Variants in UTS2B observed in about 807,000 individuals in gnomAD.
UTS2B encodes the protein urotensin 2B, also known as urotensin-2B.
UTS2B carries 21 observed loss-of-function variants against 19.2 expected under a neutral mutation model. That is an observed-to-expected ratio of 1.09 (90% CI 0.78 to 1.58). The LOEUF (loss-of-function observed/expected upper bound fraction) is 1.58, where lower values mean the gene tolerates loss of function less well. Among genes scored for constraint, UTS2B ranks in the 40% most tolerant of loss-of-function variants. UTS2B has a pLI of 0.00. For synonymous variants in UTS2B, 57 were observed against 50.2 expected (o/e 1.14, Z -0.58); for missense variants, 138 against 130.3 (o/e 1.06, Z -0.29).
At chr3:191,314,381 C>A (rs969663439) in intron 3 of UTS2B, among the ~76,000 whole-genome samples, 1 of 152,138 alleles carries the variant, frequency 6.6e-6, no homozygotes, top group Non-Finnish European at 1.5e-5. Context: ...CCCAGAGAGA[C>A]CCTTCTTGGA....
rs1177302281 is a variant in UTS2B at position 191,316,301 on chromosome 3, G to A, written c.-447C>T. On this transcript the variant is annotated 5_prime_UTR_variant, in exon 3 of 9. Transcript: ENST00000340524. ...GTGAGTGTTACAGTTCTTAAAGATG[G>A]TGCGTCCGGAATTTGTTCATTTCTC... 6.6e-6 allele frequency: 1 copy of A among 152,476 alleles called. No homozygotes were observed. The highest frequency in any genetic ancestry group is 2.4e-5 in the African/African-American group (1 of 41,446). 9.4% of individuals were successfully genotyped at this position (152,476 alleles called of 1,614,324 possible).
rs145003357 is a variant in UTS2B at position 191,318,718 on chromosome 3, A to T, written c.-585-2279T>A. Among the ~76,000 whole-genome samples the T allele has an allele frequency of 2.6e-3, 399 of 152,290 alleles. 1 individual carries two copies. The highest frequency in any genetic ancestry group is 9.3e-3 in the African/African-American group (385 of 41,570). ...ACTCCTGAGTTCGAGCAATCCACCC[A>T]CCTTGGCCTCCCAAAGTGTTGGGAT... On this transcript the variant is annotated intron_variant, in intron 2 of 8. Coordinates refer to ENST00000340524, the MANE Select transcript of UTS2B (RefSeq NM_198152.5).
At chr3:191,314,230 T>G (rs984377118) in intron 3 of UTS2B, among the ~76,000 whole-genome samples, 1 of 152,182 alleles carries the variant, frequency 6.6e-6, no homozygotes, top group African/African-American at 2.4e-5. Context: ...CTGTTAAGCC[T>G]CATGGAGTTT....
In UTS2B at chr3:191,275,337, C is replaced by G; in HGVS notation, c.249G>C (p.Lys83Asn). ...NKLEELNQLE[K>N]LKEQLVEEKD... ...TCTCCTCCACTAGCTGTTCTTTTAG[C>G]TTTTCCAGCTGATAAAATTGTAAAA... Residue 83 changes from lysine to asparagine, a missense_variant, in exon 8 of 9, where the codon AAG (lysine) becomes AAC (asparagine). By Grantham distance (94) the Lys-to-Asn change is moderately conservative. Transcript: ENST00000340524. 1.2e-6 allele frequency: 2 copies of G among 1,612,826 alleles called. No individual in the cohort carries two copies.
intron 3 of UTS2B, among the ~76,000 whole-genome samples, chr3:191,312,661 T>A (rs570063114): frequency 2.1e-4 from 32 of 152,312 alleles, no homozygotes; most frequent in Admixed American, 9.8e-4. Context: ...TCGTGATTCA[T>A]TACAGGCCAG....
At chr3:191,283,086 T>G (rs1253726279) in intron 4 of UTS2B, among the ~76,000 whole-genome samples, 1 of 152,204 alleles carries the variant, frequency 6.6e-6, no homozygotes, top group African/African-American at 2.4e-5. Flanking sequence ...TCTGTTCCAG[T>G]GCATACACTG....
Position 191,276,814 on chromosome 3 carries a change from A to G in UTS2B, c.233T>C (p.Leu78Pro). 2 of 1,612,234 alleles carry G rather than the reference A, an allele frequency of 1.2e-6. No individual in the cohort carries two copies. The highest frequency in any genetic ancestry group is 4.5e-5 in the East Asian group (2 of 44,756). ...DLALPNKLEE[L>P]NQLEKLKEQL... is the part of the protein sequence containing the mutation. ...AGTATTTCACATTCTCACCTGGTTA[A>G]GTTCTTCCAGTTTGTTAGGTAAGGC... Residue 78 changes from leucine to proline, a missense_variant, in exon 7 of 9, where the codon CTT becomes CCT. Coordinates refer to ENST00000340524, the MANE Select transcript of UTS2B (RefSeq NM_198152.5).
chr3:191,269,233 T>A (rs1240611811), intron 8 of UTS2B, among the ~76,000 whole-genome samples: 1 of 152,100 alleles, frequency 6.6e-6, no homozygotes, highest in Non-Finnish European at 1.5e-5. Context: ...TGAAAAAGAG[T>A]TGAAAAACAT....
chr3:191,315,309 G>A (rs79293476), intron 3 of UTS2B, among the ~76,000 whole-genome samples: 33,421 of 152,076 alleles, frequency 0.22, 4,015 homozygotes, highest in South Asian at 0.29. Flanking sequence ...CACCACGCCC[G>A]GCCTACTCTA....
At chr3:191,319,391 TAAATGGCTCGTA>T (rs1717550403) in intron 2 of UTS2B, among the ~76,000 whole-genome samples, 1 of 152,230 alleles carries the variant, frequency 6.6e-6, no homozygotes, top group Admixed American at 6.5e-5. Context: ...CTGTAATAAA[TAAATGGCTCGTA>T]AACAAAAATT....
upstream of UTS2B, among the ~76,000 whole-genome samples, chr3:191,333,267 A>C (rs1718047386): frequency 6.6e-6 from 1 of 152,224 alleles, no homozygotes. Flanking sequence ...CTGTAAAAGG[A>C]AACATACCTA....
At chr3:191,305,228 G>C (rs767119197) in intron 3 of UTS2B, among the ~76,000 whole-genome samples, 2 of 152,116 alleles carry the variant, frequency 1.3e-5, no homozygotes, top group Admixed American at 6.5e-5. Flanking sequence ...CTTTAGGTCT[G>C]TGAGGAATCG....
intron 4 of UTS2B, among the ~76,000 whole-genome samples, chr3:191,290,716 A>C (rs1293541889): frequency 6.6e-6 from 1 of 152,228 alleles, no homozygotes; most frequent in Non-Finnish European, 1.5e-5. Context: ...ACAGGATATA[A>C]ATGGCATTTC....
chr3:191,332,784 C>T (rs113125582), upstream of UTS2B, among the ~76,000 whole-genome samples: 1 of 152,200 alleles, frequency 6.6e-6, no homozygotes, highest in African/African-American at 2.4e-5. Context: ...TCAAGACTCC[C>T]TACTTCCTTT....
intron 3 of UTS2B, among the ~76,000 whole-genome samples, chr3:191,304,958 G>A (rs1448461363): frequency 6.6e-6 from 1 of 152,102 alleles, no homozygotes; most frequent in Non-Finnish European, 1.5e-5. Context: ...AGTTTGCTAA[G>A]GATAATGATC....
At chr3:191,269,590 A>G (rs767345181) in intron 8 of UTS2B, among the ~76,000 whole-genome samples, 2 of 151,728 alleles carry the variant, frequency 1.3e-5, no homozygotes, top group Non-Finnish European at 2.9e-5. Flanking sequence ...ATGATCATAG[A>G]GTGCTACAGC....
Position 191,268,422 on chromosome 3 carries a change from A to G in UTS2B, c.354T>C (p.Cys118=). 1 of 1,563,262 alleles carries G rather than the reference A, an allele frequency of 6.4e-7. No homozygotes were observed. ...TGCATCCAGAGAAAAAGCTTTAAAC[A>G]CAGTATTTCCAAAAGCAAGCTAAAG... The part of the protein sequence containing the change: ...PSKRACFWKY[C]V The change falls in exon 9 of 9, where the codon TGT becomes TGC. Residue 118 remains cysteine, a synonymous_variant. Coordinates refer to ENST00000340524, the MANE Select transcript of UTS2B (RefSeq NM_198152.5).
intron 1 of UTS2B, chr3:191,329,565 G>C (rs1443546633): frequency 8.9e-7 from 1 of 1,120,286 alleles, no homozygotes; most frequent in East Asian, 3.0e-5. Context: ...GAGCCCTGCC[G>C]GCCGGACTTT....
intron 3 of UTS2B, among the ~76,000 whole-genome samples, chr3:191,312,702 G>A (rs919422840): frequency 2.0e-5 from 3 of 152,106 alleles, no homozygotes; most frequent in African/African-American, 4.8e-5. Context: ...CAACAGAAAC[G>A]AAGTGAGTCC....
Sources: gnomAD v4.1 joint callset for allele counts (sites outside exome capture counted in the v4.1 genomes callset) on GRCh38, gnomAD v4.1.1 for gene constraint, MANE v1.5 for transcripts, NCBI Gene and HGNC (gene_info 2026-07-23, HGNC 2026-07-21) for gene names.